The following ZNF334 variants were observed in gnomAD, a reference collection of about 807,000 sequenced individuals.
ZNF334 encodes the protein zinc finger protein 334.
Under a neutral mutation model 12.4 loss-of-function variants are expected in ZNF334, and 14 were observed. The ratio of observed to expected loss-of-function variants is 1.13; its 90% confidence interval spans 0.74 to 1.76. The LOEUF is 1.76. Among genes scored for constraint, ZNF334 ranks in the 40% most tolerant of loss-of-function variants. The pLI, the probability that ZNF334 is intolerant of heterozygous loss-of-function variation, is 0.00. For synonymous variants in ZNF334, 273 were observed against 269.6 expected (o/e 1.01, Z -0.12); for missense variants, 797 against 804.5 (o/e 0.99, Z 0.11).
At chr20:46,478,353 A>T in the ZNF334 span, among the ~76,000 whole-genome samples, 1 of 152,244 alleles carries the variant, frequency 6.6e-6, no homozygotes, top group Non-Finnish European at 1.5e-5. Flanking sequence ...AAGGGCTTCC[A>T]GGTCATAAGC....
chr20:46,467,126 A>G, the ZNF334 span, among the ~76,000 whole-genome samples: 1 of 152,244 alleles, frequency 6.6e-6, no homozygotes. Context: ...GTAGGAATCT[A>G]TAAGGTGAGA....
chr20:46,492,235 T>C, the ZNF334 span: 4 of 152,538 alleles, frequency 2.6e-5, no homozygotes, highest in East Asian at 1.9e-4. Context: ...GCAGTAGTTG[T>C]AAAAAAACCT....
rs982544536 is a variant in ZNF334 at position 46,500,561 on chromosome 20, A to C, written c.*735T>G. On this transcript the variant is annotated 3_prime_UTR_variant, in exon 5 of 5. Coordinates refer to ENST00000692313, the MANE Select transcript of ZNF334 (RefSeq NM_001353824.2). ...ACTTTTTGGATTCAACCATCATCCA[A>C]ATTCTCTTTGTTGTTCAAGAATGCT... 2.0e-5 allele frequency: 3 copies of C among 152,214 alleles called. No individual in the cohort carries two copies. Among genetic ancestry groups the C allele is most frequent in the African/African-American group, 4.8e-5 (2 of 41,448 alleles). The allele number at this position is 152,214 out of a possible 1,614,324, so 9.4% of individuals were successfully genotyped here. A position where few individuals can be genotyped will look rare whatever the true frequency, so the allele number is the denominator to read the frequency against.
the ZNF334 span, chr20:46,464,410 G>T: frequency 8.0e-6 from 4 of 502,104 alleles, no homozygotes; most frequent in Non-Finnish European, 1.6e-5. Context: ...AGGCGTGGCT[G>T]CAGCTGGAGA....
At chr20:46,493,845 A>T in the ZNF334 span, among the ~76,000 whole-genome samples, 1 of 152,092 alleles carries the variant, frequency 6.6e-6, no homozygotes, top group Non-Finnish European at 1.5e-5. Context: ...CATGAGAATC[A>T]CTTGAACCCA....
Position 46,512,888 on chromosome 20 carries a change from A to T in ZNF334, c.-387T>A, listed in dbSNP as rs2061702665. ...AGCTCTGTAAGGGGTAAACTCAGTA[A>T]ATCCCAGGTGAGGTGATGAACATGG... On this transcript the variant is annotated 5_prime_UTR_variant, in exon 1 of 5. Transcript: ENST00000692313. 6.6e-6 allele frequency: 1 copy of T among 152,200 alleles called. No homozygotes were observed. Among genetic ancestry groups the T allele is most frequent in the Non-Finnish European group, 1.5e-5 (1 of 68,062 alleles). 9.4% of individuals were successfully genotyped at this position (152,200 alleles called of 1,614,324 possible). A position where few individuals can be genotyped will look rare whatever the true frequency, so the allele number is the denominator to read the frequency against.
Position 46,501,737 on chromosome 20 carries a change from T to A in ZNF334, c.1602A>T (p.Val534=). 1 of 1,614,188 alleles carries A rather than the reference T, an allele frequency of 6.2e-7. No individual in the cohort carries two copies. The highest frequency in any genetic ancestry group is 8.5e-7 in the Non-Finnish European group (1 of 1,180,018). The part of the protein sequence containing the change: ...HAVSKNSHLI[V]HQRTIWERPY... ...GTCTCTCCCATATAGTTCTCTGATG[T>A]ACAATGAGGTGTGAGTTTTTGCTGA... The change falls in exon 5 of 5, where the codon GTA becomes GTT. Residue 534 remains valine, a synonymous_variant. Transcript: ENST00000692313.
chr20:46,495,935 G>T (rs887564686), downstream of ZNF334, among the ~76,000 whole-genome samples: 2 of 152,068 alleles, frequency 1.3e-5, no homozygotes, highest in Non-Finnish European at 2.9e-5. Flanking sequence ...TGGCCACGGT[G>T]GTAAATGACC....
At chr20:46,478,873 C>T in the ZNF334 span, among the ~76,000 whole-genome samples, 1 of 152,092 alleles carries the variant, frequency 6.6e-6, no homozygotes, top group African/African-American at 2.4e-5. Context: ...CTGCTGCATC[C>T]CCTGCTGGGG....
intron 2 of ZNF334, chr20:46,509,808 G>A: frequency 3.2e-6 from 2 of 620,502 alleles, no homozygotes; most frequent in African/African-American, 3.6e-5. Context: ...GAGATAAAGG[G>A]GATGGCAGAA....
the ZNF334 span, chr20:46,492,979 T>G: frequency 1.3e-5 from 2 of 152,002 alleles, no homozygotes; most frequent in Non-Finnish European, 2.9e-5. Flanking sequence ...TCCCAGCTAC[T>G]TGGGAGGCTG....
In ZNF334 at chr20:46,512,159, C is replaced by T. The variant is rs377712295; in HGVS notation, c.-38-19G>A. On this transcript the variant is annotated intron_variant, in intron 1 of 4. Transcript: ENST00000692313. ...AGCAGAGCTGGGTAAGGAAGAATGGCGAATGGAATCATGAGCGATTTGGCT... is the reference window on the plus strand; with the variant it reads ...AGCAGAGCTGGGTAAGGAAGAATGGTGAATGGAATCATGAGCGATTTGGCT... The T allele has an allele frequency of 4.4e-6, 7 of 1,596,508 alleles. No individual in the cohort carries two copies. The highest frequency in any genetic ancestry group is 1.7e-5 in the Admixed American group (1 of 59,842).
intron 2 of ZNF334, among the ~76,000 whole-genome samples, chr20:46,511,807 A>G (rs75837886): frequency 2.4e-4 from 36 of 152,318 alleles, no homozygotes; most frequent in African/African-American, 8.4e-4. Context: ...TCACTTACTC[A>G]AAGATCATCC....
At chr20:46,479,241 T>C in the ZNF334 span, among the ~76,000 whole-genome samples, 1 of 152,246 alleles carries the variant, frequency 6.6e-6, no homozygotes, top group African/African-American at 2.4e-5. Context: ...ATTATCTGAT[T>C]TTCTTGCCTC....
the ZNF334 span, among the ~76,000 whole-genome samples, chr20:46,477,981 A>T: frequency 6.6e-6 from 1 of 152,262 alleles, no homozygotes; most frequent in African/African-American, 2.4e-5. Flanking sequence ...TGTTTAAAAC[A>T]GACTATTCTG....
At chr20:46,487,487 A>T in the ZNF334 span, among the ~76,000 whole-genome samples, 2 of 152,138 alleles carry the variant, frequency 1.3e-5, no homozygotes, top group Non-Finnish European at 2.9e-5. Flanking sequence ...TTATTATAGC[A>T]GTGTGGTTTT....
At chr20:46,485,608 G>A in the ZNF334 span, 1 of 152,102 alleles carries the variant, frequency 6.6e-6, no homozygotes, top group African/African-American at 2.4e-5. Context: ...AGAGATTTCA[G>A]AGAAACTTGT....
chr20:46,497,748 T>G (rs548070486), downstream of ZNF334, among the ~76,000 whole-genome samples: 1 of 152,222 alleles, frequency 6.6e-6, no homozygotes, highest in Admixed American at 6.5e-5. Flanking sequence ...CACCAATTTA[T>G]AAAACTCTCT....
rs1431229470 is a variant in ZNF334 at position 46,501,818 on chromosome 20, AC to A, written c.1520del (p.Cys507LeufsTer4). ...ISIVKSNCSQ[C>X]KRMNTKENLY... ...GATTCTCCTTTGTGTTCATTCTCTTACACTGACTGCAGTTTGACTTCACAAT... is the reference window on the plus strand; with the variant it reads ...GATTCTCCTTTGTGTTCATTCTCTTAACTGACTGCAGTTTGACTTCACAAT... On this transcript the variant is annotated frameshift_variant, in exon 5 of 5. Transcript: ENST00000692313. LOFTEE classifies it low-confidence loss of function (END_TRUNC). 5 of 1,614,058 alleles carry A rather than the reference AC, an allele frequency of 3.1e-6. No individual in the cohort carries two copies. The highest frequency in any genetic ancestry group is 4.2e-6 in the Non-Finnish European group (5 of 1,179,982).
Sources: gnomAD v4.1 joint callset for allele counts (sites outside exome capture counted in the v4.1 genomes callset) on GRCh38, gnomAD v4.1.1 for gene constraint, MANE v1.5 for transcripts, NCBI Gene and HGNC (gene_info 2026-07-23, HGNC 2026-07-21) for gene names.